MTHFD2L: variants seen among roughly 807,000 people sequenced by gnomAD.
MTHFD2L encodes methylenetetrahydrofolate dehydrogenase (NADP+ dependent) 2 like.
A neutral mutation model predicts 34.9 loss-of-function variants in MTHFD2L; 29 were observed. The ratio of observed to expected loss-of-function variants is 0.83; its 90% confidence interval spans 0.62 to 1.13. The LOEUF is 1.13. Among genes scored for constraint, MTHFD2L ranks in the 50% most tolerant of loss-of-function variants. The pLI, the probability that MTHFD2L is intolerant of heterozygous loss-of-function variation, is 0.00. For synonymous variants in MTHFD2L, 167 were observed against 155.7 expected (o/e 1.07, Z -0.54); for missense variants, 481 against 446.5 (o/e 1.08, Z -0.70).
At chr4:74,154,188 G>A (rs1175990247), upstream of MTHFD2L, among the ~76,000 whole-genome samples, 4 of 152,148 alleles carry the variant, frequency 2.6e-5, no homozygotes, top group African/African-American at 9.7e-5. Flanking sequence ...CAGAGGTAAA[G>A]TACAATTCTC....
At chr4:74,245,058 C>G (rs925828848) in intron 6 of MTHFD2L, among the ~76,000 whole-genome samples, 2 of 151,564 alleles carry the variant, frequency 1.3e-5, no homozygotes, top group African/African-American at 2.4e-5. Flanking sequence ...AGCGAGGCGT[C>G]GTGGCAGGCG....
chr4:74,117,455 GA>G (rs977871575), intron 2 of MTHFD2L, among the ~76,000 whole-genome samples: 2 of 152,194 alleles, frequency 1.3e-5, no homozygotes, highest in African/African-American at 4.8e-5. Flanking sequence ...CAGGCCTGGA[GA>G]ACAAACCTTC....
intron 1 of MTHFD2L, among the ~76,000 whole-genome samples, chr4:74,146,482 A>G (rs1723601092): frequency 6.6e-6 from 1 of 152,214 alleles, no homozygotes; most frequent in South Asian, 2.1e-4. Context: ...TGCAAAACTG[A>G]AACACTATAT....
chr4:74,252,806 A>G lies in MTHFD2L; in HGVS notation c.805+27412A>G, dbSNP rs545502850. Among the ~76,000 whole-genome samples the G allele has an allele frequency of 5.3e-5, 8 of 152,246 alleles. No homozygotes were observed. The East Asian group carries it at 1.3e-3, about 26-fold the overall frequency. ...GAAGGTGATACTAGAGATTATTAAG[A>G]TGAATATAGACATAACATTTTAAGG... is the stretch of plus-strand genomic sequence containing the variant. On this transcript the variant is annotated intron_variant, in intron 6 of 7. Coordinates refer to ENST00000325278, the MANE Select transcript of MTHFD2L (RefSeq NM_001144978.3).
chr4:74,218,588 T>C (rs1368151692), intron 5 of MTHFD2L, among the ~76,000 whole-genome samples: 1 of 151,196 alleles, frequency 6.6e-6, no homozygotes, highest in Non-Finnish European at 1.5e-5. Flanking sequence ...CCAAGAACAG[T>C]GAATTCCTCA....
intron 6 of MTHFD2L, chr4:74,280,167 C>G (rs1475699112): frequency 2.6e-5 from 4 of 152,092 alleles, no homozygotes; most frequent in Non-Finnish European, 5.9e-5. Flanking sequence ...TGATTCTCCT[C>G]CCATTGAGAA....
intron 3 of MTHFD2L, among the ~76,000 whole-genome samples, chr4:74,192,116 A>C (rs1318995360): frequency 6.6e-6 from 1 of 152,088 alleles, no homozygotes; most frequent in South Asian, 2.1e-4. Flanking sequence ...GTAGCAGAGG[A>C]GGCGGTTAAA....
chr4:74,196,079 A>G (rs1259380324), intron 3 of MTHFD2L, among the ~76,000 whole-genome samples: 1 of 152,178 alleles, frequency 6.6e-6, no homozygotes, highest in African/African-American at 2.4e-5. Context: ...AATCAGTTTA[A>G]GACAGACTGT....
intron 4 of MTHFD2L, among the ~76,000 whole-genome samples, chr4:74,200,724 A>T (rs548920379): frequency 6.9e-4 from 105 of 152,286 alleles, no homozygotes; most frequent in African/African-American, 2.4e-3. Flanking sequence ...CCTTAGTTCT[A>T]ACTTCTTTGC....
At chr4:74,237,152 A>G (rs550011668) in intron 6 of MTHFD2L, among the ~76,000 whole-genome samples, 10 of 152,216 alleles carry the variant, frequency 6.6e-5, no homozygotes, top group Non-Finnish European at 1.3e-4. Flanking sequence ...ATACAAAGAA[A>G]GGATCTACAT....
intron 3 of MTHFD2L, among the ~76,000 whole-genome samples, chr4:74,178,188 GC>G (rs751739729): frequency 3.9e-4 from 60 of 151,980 alleles, no homozygotes; most frequent in Non-Finnish European, 6.8e-4. Flanking sequence ...TGGTGACTTA[GC>G]TAATAACAAC....
intron 7 of MTHFD2L, among the ~76,000 whole-genome samples, chr4:74,283,561 G>A (rs1389282488): frequency 2.0e-5 from 3 of 152,132 alleles, no homozygotes; most frequent in African/African-American, 7.2e-5. Context: ...AGTGATATCA[G>A]TTAAATGATA....
intron 3 of MTHFD2L, among the ~76,000 whole-genome samples, chr4:74,196,103 CA>C (rs1733422910): frequency 6.6e-6 from 1 of 151,926 alleles, no homozygotes; most frequent in Non-Finnish European, 1.5e-5. Flanking sequence ...CTAAAAGGCT[CA>C]CATTCATAAA....
At position 74,174,566 on chromosome 4, in the gene MTHFD2L, G is replaced by A; in HGVS notation, c.204G>A (p.Gln68=). ...CCAAGCATATCCAGAAAGAAATACAGCGAGGTGTGGAATCATGGGTTTCCC... is the reference window on the plus strand; with the variant it reads ...CCAAGCATATCCAGAAAGAAATACAACGAGGTGTGGAATCATGGGTTTCCC... The part of the protein sequence containing the change: ...EMAKHIQKEI[Q]RGVESWVSLG... The change falls in exon 2 of 8, where the codon CAG becomes CAA. Residue 68 remains glutamine (Q), a synonymous_variant. Coordinates refer to ENST00000325278, the MANE Select transcript of MTHFD2L (RefSeq NM_001144978.3). The A allele has an allele frequency of 6.2e-7, 1 of 1,605,554 alleles. No homozygotes were observed. The highest frequency in any genetic ancestry group is 8.5e-7 in the Non-Finnish European group (1 of 1,176,448).
At chr4:74,210,173 G>A (rs1736054294) in intron 5 of MTHFD2L, among the ~76,000 whole-genome samples, 2 of 17,028 alleles carry the variant, frequency 1.2e-4, no homozygotes, top group African/African-American at 1.6e-4. Context: ...TTCTTTTGCT[G>A]TGCGAAGCTC....
intron 1 of MTHFD2L, among the ~76,000 whole-genome samples, chr4:74,171,956 C>G (rs954548613): frequency 3.3e-5 from 5 of 151,958 alleles, no homozygotes; most frequent in African/African-American, 1.2e-4. Context: ...ATTGGTATAT[C>G]CATACAATGT....
intron 6 of MTHFD2L, among the ~76,000 whole-genome samples, chr4:74,250,194 C>T (rs1478176920): frequency 6.6e-6 from 1 of 152,060 alleles, no homozygotes; most frequent in Non-Finnish European, 1.5e-5. Context: ...ATTCTTTTTT[C>T]TCTAAACTTC....
chr4:74,129,513 T>C (rs553070955), intron 1 of MTHFD2L, among the ~76,000 whole-genome samples: 1 of 152,174 alleles, frequency 6.6e-6, no homozygotes, highest in Non-Finnish European at 1.5e-5. Context: ...AAGGCATAAA[T>C]AAATAAGTTA....
intron 3 of MTHFD2L, among the ~76,000 whole-genome samples, chr4:74,181,352 C>T (rs1730131836): frequency 6.6e-6 from 1 of 152,126 alleles, no homozygotes; most frequent in African/African-American, 2.4e-5. Flanking sequence ...CAACACTGTA[C>T]AGAAGTGCTT....
Sources: allele counts gnomAD v4.1 joint callset (sites outside exome capture counted in the v4.1 genomes callset), GRCh38; gene constraint gnomAD v4.1.1; transcripts MANE v1.5; gene names NCBI Gene and HGNC (gene_info 2026-07-23, HGNC 2026-07-21).